The following CIB1 variants were observed in gnomAD, a reference collection of about 807,000 sequenced individuals.
CIB1 encodes the protein calcium and integrin binding 1.
Under a neutral mutation model 25.0 loss-of-function variants are expected in CIB1, and 19 were observed. The observed-to-expected ratio is 0.76, with a 90% CI of 0.53 to 1.12. The LOEUF is 1.12. Ranked by LOEUF, CIB1 falls within the 50% of genes most tolerant of loss-of-function variation. The pLI is 0.00. For missense variants in CIB1, 236 were observed against 242.6 expected (o/e 0.97, Z 0.18); for synonymous variants, 104 against 98.5 (o/e 1.06, Z -0.33).
At chr15:90,238,156 C>T (rs138676231), upstream of CIB1, among the ~76,000 whole-genome samples, 165 of 152,150 alleles carry the variant, frequency 1.1e-3, 2 homozygotes, top group African/African-American at 3.7e-3. Context: ...AAACATTAGC[C>T]GGGCGTGGTG....
At chr15:90,257,856 C>T in the CIB1 span, 2 of 991,954 alleles carry the variant, frequency 2.0e-6, no homozygotes, top group Middle Eastern at 3.1e-4. Context: ...TGTCCTGTGC[C>T]TGCACTTTGG....
intron 6 of CIB1, 102 bp from the exon 7 acceptor site, chr15:90,230,607 T>C (rs1962453506): frequency 3.9e-6 from 5 of 1,268,410 alleles, no homozygotes; most frequent in Non-Finnish European, 5.6e-6. Flanking sequence ...TGGAACGGGC[T>C]ATGTTCCGTG....
At chr15:90,241,856 G>C in the CIB1 span, 1 of 1,613,984 alleles carries the variant, frequency 6.2e-7, no homozygotes, top group African/African-American at 1.3e-5. Context: ...TGTGGGCCCG[G>C]AAGTCCAGCT....
chr15:90,232,848 T>C (rs1305896886), intron 2 of CIB1, among the ~76,000 whole-genome samples: 5 of 151,254 alleles, frequency 3.3e-5, no homozygotes, highest in Non-Finnish European at 7.4e-5. Flanking sequence ...GGAGAATCAC[T>C]TGAACCCGGA....
At chr15:90,234,068 C>A, upstream of CIB1, 1 of 635,704 alleles carries the variant, frequency 1.6e-6, no homozygotes, top group South Asian at 2.4e-5. Flanking sequence ...GGCGAGCTGC[C>A]GGCTCCAAGC....
At chr15:90,260,868 A>T in the CIB1 span, among the ~76,000 whole-genome samples, 1 of 150,126 alleles carries the variant, frequency 6.7e-6, no homozygotes, top group Non-Finnish European at 1.5e-5. Context: ...AAAAAAAAAA[A>T]GAGAGAAAGA....
the CIB1 span, chr15:90,253,393 G>C: frequency 2.5e-6 from 4 of 1,574,724 alleles, no homozygotes; most frequent in Admixed American, 3.4e-5. Context: ...CCTGAGAGCC[G>C]ACAGGGGCTA....
At chr15:90,242,977 ACAT>A in the CIB1 span, 1 of 148,570 alleles carries the variant, frequency 6.7e-6, no homozygotes, top group Non-Finnish European at 1.5e-5. Flanking sequence ...ACTGAGTAAG[ACAT>A]CATGAATGTA....
chr15:90,243,378 T>C, the CIB1 span: 1 of 142,222 alleles, frequency 7.0e-6, no homozygotes, highest in African/African-American at 2.9e-5. Context: ...TTTTTTGTTT[T>C]GTTTTTTTGT....
At chr15:90,230,732 G>A (rs748681407) in intron 6 of CIB1, among the ~76,000 whole-genome samples, 1 of 151,844 alleles carries the variant, frequency 6.6e-6, no homozygotes, top group Non-Finnish European at 1.5e-5. Flanking sequence ...ACAGAGCAAT[G>A]ACAATGGCAG....
At chr15:90,258,381 A>G in the CIB1 span, 1 of 934,574 alleles carries the variant, frequency 1.1e-6, no homozygotes, top group Non-Finnish European at 1.7e-6. Flanking sequence ...GAGATGTGAA[A>G]GCCCTGGGGT....
the CIB1 span, chr15:90,256,003 T>G: frequency 6.4e-6 from 10 of 1,567,216 alleles, no homozygotes; most frequent in African/African-American, 1.4e-4. Flanking sequence ...TGAGAAAGTT[T>G]CAGCTGGTCA....
At chr15:90,256,573 C>CTT in the CIB1 span, among the ~76,000 whole-genome samples, 1 of 56,336 alleles carries the variant, frequency 1.8e-5, no homozygotes, top group Non-Finnish European at 3.2e-5. Context: ...TTCTTTCTTT[C>CTT]TTTCTTTCTT....
At chr15:90,235,629 A>T (rs1041156836), upstream of CIB1, among the ~76,000 whole-genome samples, 1 of 151,468 alleles carries the variant, frequency 6.6e-6, no homozygotes, top group South Asian at 2.1e-4. Context: ...GTGCAGTGGC[A>T]TGATCTTGGC....
the CIB1 span, chr15:90,263,636 T>C: frequency 1.2e-5 from 7 of 598,370 alleles, no homozygotes; most frequent in South Asian, 1.0e-4. Context: ...TCTGGTTAAA[T>C]AGTGGCCGCG....
At chr15:90,241,420 C>G in the CIB1 span, 28 of 1,613,514 alleles carry the variant, frequency 1.7e-5, no homozygotes, top group African/African-American at 3.7e-4. Flanking sequence ...CTGCTGGTGC[C>G]TGAGCCTGCC....
chr15:90,256,371 G>A, the CIB1 span: 2 of 1,590,248 alleles, frequency 1.3e-6, no homozygotes, highest in African/African-American at 1.3e-5. Flanking sequence ...CCAAAAGCCA[G>A]GGAGGAAGCT....
the CIB1 span, among the ~76,000 whole-genome samples, chr15:90,260,289 C>T: frequency 1.3e-5 from 2 of 151,616 alleles, no homozygotes; most frequent in African/African-American, 2.4e-5. Context: ...CTTGAGCTCA[C>T]GAGTTTGAGA....
In CIB1 at chr15:90,231,323, G is replaced by A. The variant is rs1439472580; in HGVS notation, c.346+34C>T. 6 of 1,610,918 alleles carry A rather than the reference G, an allele frequency of 3.7e-6. No homozygotes were observed. In the African/African-American group the frequency reaches 6.7e-5, roughly 18 times the overall value. On this transcript the variant is annotated intron_variant, in intron 4 of 6. Transcript: ENST00000328649. Reference sequence around the variant, plus strand: ...CCACCACAAAGCCCACGTGGGAAGGGGTGGTGTCCTGCCGGGCTGCTCCTG... The same window carrying A: ...CCACCACAAAGCCCACGTGGGAAGGAGTGGTGTCCTGCCGGGCTGCTCCTG...
Sources: gnomAD v4.1 joint callset for allele counts (sites outside exome capture counted in the v4.1 genomes callset) on GRCh38, gnomAD v4.1.1 for gene constraint, MANE v1.5 for transcripts, NCBI Gene and HGNC (gene_info 2026-07-23, HGNC 2026-07-21) for gene names.